The following IMPA2 variants were observed in gnomAD, a reference collection of about 807,000 sequenced individuals.
IMPA2 encodes IMP 2.
IMPA2 carries 32 observed loss-of-function variants against 35.1 expected under a neutral mutation model. The observed-to-expected ratio is 0.91, with a 90% confidence interval of 0.69 to 1.23. The LOEUF (loss-of-function observed/expected upper bound fraction) is 1.23. Ranked by LOEUF, IMPA2 falls within the 50% of genes most tolerant of loss-of-function variation. The probability of loss-of-function intolerance (pLI) is 0.00; values close to 1 mark genes in which losing one functional copy is unlikely to be tolerated. For synonymous variants in IMPA2, 135 were observed against 160.6 expected, an observed-to-expected ratio of 0.84 and a Z score of 1.20; for missense variants, 334 against 387.6, an observed-to-expected ratio of 0.86 and a Z score of 1.16.
At chr18:12,006,971 G>A (rs1433641077) in intron 2 of IMPA2, among the ~76,000 whole-genome samples, 6 of 152,042 alleles carry the variant, frequency 3.9e-5, no homozygotes, top group Non-Finnish European at 5.9e-5. Context: ...CTCTACTAAA[G>A]ATAAAAAAAA....
chr18:12,003,670 GGAAAAA>G (rs573292021), intron 2 of IMPA2, among the ~76,000 whole-genome samples: 27,933 of 80,522 alleles, frequency 0.35, 3,205 homozygotes, highest in East Asian at 0.54. Flanking sequence ...AAAAAGAAAA[GGAAAAA>G]AAAAAAAAAA....
chr18:11,989,162 G>A (rs775843109), intron 1 of IMPA2, among the ~76,000 whole-genome samples: 3 of 152,154 alleles, frequency 2.0e-5, no homozygotes, highest in Admixed American at 6.5e-5. Flanking sequence ...CTTTGCCGTC[G>A]GATGAGCTCA....
At position 12,009,921 on chromosome 18, in the gene IMPA2, G is replaced by T. The variant is rs1448638527; in HGVS notation, c.269G>T (p.Cys90Phe). Residue 90 changes from cysteine (C) to phenylalanine (F), a missense_variant, in exon 3 of 8, where the codon TGT (cysteine) becomes TTT (phenylalanine). Physicochemically the swap from Cys to Phe is radical, Grantham distance 205. Coordinates refer to ENST00000269159, the MANE Select transcript of IMPA2 (RefSeq NM_014214.3). ...GAGGCCGCGGCTTCTGGGGCCAAGT[G>T]TGTGCTCACCCACAGCCCGACGTGG... ...AEEAAASGAK[C>F]VLTHSPTWII... The T allele has an allele frequency of 6.2e-7, 1 of 1,614,210 alleles. No individual in the cohort carries two copies. Among genetic ancestry groups the T allele is most frequent in the Non-Finnish European group, 8.5e-7 (1 of 1,180,042 alleles).
chr18:11,991,219 G>A lies in IMPA2; in HGVS notation c.97-7835G>A, dbSNP rs1906803964. On this transcript the variant is annotated intron_variant, in intron 1 of 7. Transcript: ENST00000269159. The surrounding 1 kb of genome is among the most constrained non-coding windows in gnomAD (Gnocchi z 4.1). The stretch of plus-strand genomic sequence containing the variant: ...ACACAGGGAATGCAGCTGGGATGTG[G>A]GTGACGGGTGGCTGCTGGCATTGGT... 6.6e-6 allele frequency among the ~76,000 whole-genome samples: 1 copy of A among 152,214 alleles called. No individual in the cohort carries two copies. The highest frequency in any genetic ancestry group is 6.5e-5 in the Admixed American group (1 of 15,278).
At chr18:12,015,596 G>C (rs1907556099) in intron 5 of IMPA2, among the ~76,000 whole-genome samples, 2 of 152,204 alleles carry the variant, frequency 1.3e-5, no homozygotes, top group Non-Finnish European at 2.9e-5. Flanking sequence ...CCCAGAGCAG[G>C]GGAAGGGAGA....
chr18:12,008,822 T>G (rs1159274251), intron 2 of IMPA2, among the ~76,000 whole-genome samples: 1 of 152,012 alleles, frequency 6.6e-6, no homozygotes, highest in East Asian at 1.9e-4. Context: ...CTCGGTCAGG[T>G]TCCTAGCAGG....
rs780733020 is a variant in IMPA2, at chr18:12,009,924, T to G, written c.272T>G (p.Val91Gly). Residue 91 changes from valine to glycine, a missense_variant, in exon 3 of 8, where the codon GTG (valine) becomes GGG (glycine). Transcript: ENST00000269159. ...GCCGCGGCTTCTGGGGCCAAGTGTG[T>G]GCTCACCCACAGCCCGACGTGGATC... Reference protein sequence around the residue: ...EEAAASGAKCVLTHSPTWIID... With the variant: ...EEAAASGAKCGLTHSPTWIID... 6.2e-7 allele frequency: 1 copy of G among 1,614,064 alleles called. No homozygotes were observed. Among genetic ancestry groups the G allele is most frequent in the Admixed American group, 1.7e-5 (1 of 59,996 alleles).
In IMPA2 at chr18:11,981,818, C is replaced by T. The variant is rs1215007111; in HGVS notation, c.96+53C>T. The T allele has an allele frequency of 5.2e-6, 6 of 1,147,204 alleles. No individual in the cohort carries two copies. The East Asian group carries it at 9.7e-5, about 19-fold the overall frequency. The allele number at this position is 1,147,204 out of a possible 1,614,324, so 71.1% of individuals were successfully genotyped here. On this transcript the variant is annotated intron_variant, in intron 1 of 7. Coordinates refer to ENST00000269159, the MANE Select transcript of IMPA2 (RefSeq NM_014214.3). The stretch of plus-strand genomic sequence containing the variant: ...CCGGGCGGAGCAGAAGCGCGTGGGC[C>T]TTGGGAGCCGCCTGGAGTGGCGGGG...
At chr18:11,993,002 G>C (rs895139834) in intron 1 of IMPA2, among the ~76,000 whole-genome samples, 10 of 152,316 alleles carry the variant, frequency 6.6e-5, no homozygotes, top group Admixed American at 2.0e-4. Context: ...ATGTACGGTA[G>C]GTTCTTATTT....
At chr18:11,984,829 G>T (rs1409433405) in intron 1 of IMPA2, among the ~76,000 whole-genome samples, 1 of 151,056 alleles carries the variant, frequency 6.6e-6, no homozygotes, top group Admixed American at 6.6e-5. Flanking sequence ...TTAGCCGGGC[G>T]TGGTGGCGGG....
Position 11,991,218 on chromosome 18 carries a change from G to C in IMPA2, c.97-7836G>C, listed in dbSNP as rs1356499156. On this transcript the variant is annotated intron_variant, in intron 1 of 7. Coordinates refer to ENST00000269159, the MANE Select transcript of IMPA2 (RefSeq NM_014214.3). This position sits in a 1 kb window ranked among gnomAD's most constrained non-coding sequence, Gnocchi z 4.1. ...AACACAGGGAATGCAGCTGGGATGT[G>C]GGTGACGGGTGGCTGCTGGCATTGG... Among the ~76,000 whole-genome samples the C allele has an allele frequency of 6.6e-6, 1 of 152,222 alleles. No homozygotes were observed. Among genetic ancestry groups the C allele is most frequent in the Non-Finnish European group, 1.5e-5 (1 of 68,044 alleles).
At chr18:12,029,343 T>A (rs947260571) in intron 7 of IMPA2, among the ~76,000 whole-genome samples, 1 of 151,966 alleles carries the variant, frequency 6.6e-6, no homozygotes, top group East Asian at 1.9e-4. Context: ...CTTGATCTCC[T>A]GACCTCGTGA....
chr18:12,008,770 A>C (rs1907349948), intron 2 of IMPA2, among the ~76,000 whole-genome samples: 1 of 152,182 alleles, frequency 6.6e-6, no homozygotes, highest in Admixed American at 6.5e-5. Context: ...AGAGAAAACC[A>C]GGAGTTCCCT....
At position 12,010,475 on chromosome 18, in the gene IMPA2, G is replaced by T. The variant is rs73946214; in HGVS notation, c.335+488G>T. ...GGGAGGTCAGAAGGGCCCGTGTGGGGAGGTGAAGGGAATGGAGCTTCGGGG... is the reference window on the plus strand; with the variant it reads ...GGGAGGTCAGAAGGGCCCGTGTGGGTAGGTGAAGGGAATGGAGCTTCGGGG... On this transcript the variant is annotated intron_variant, in intron 3 of 7. Transcript: ENST00000269159. This position sits in a 1 kb window ranked among gnomAD's most constrained non-coding sequence, Gnocchi z 4.8. Among the ~76,000 whole-genome samples the T allele has an allele frequency of 0.015, 2,231 of 152,344 alleles. 41 individuals are homozygous for T. The highest frequency in any genetic ancestry group is 0.035 in the African/African-American group (1,465 of 41,574).
chr18:11,987,162 C>T (rs532203600), intron 1 of IMPA2, among the ~76,000 whole-genome samples: 350 of 152,250 alleles, frequency 2.3e-3, no homozygotes, highest in African/African-American at 7.6e-3. Flanking sequence ...AATGGGGTCC[C>T]ACCGCAGGGT....
intron 7 of IMPA2, 131 bp downstream of exon 7, chr18:12,029,124 T>G (rs1598708462): frequency 2.2e-6 from 2 of 923,380 alleles, no homozygotes; most frequent in South Asian, 1.8e-5. Flanking sequence ...TTTTTTTTTT[T>G]TTTTTTTTTG....
chr18:11,988,226 AAACTCCTGACC>A (rs1906721699), intron 1 of IMPA2, among the ~76,000 whole-genome samples: 2 of 151,610 alleles, frequency 1.3e-5, no homozygotes, highest in South Asian at 4.2e-4. Flanking sequence ...GGCCAGTCTC[AAACTCCTGACC>A]TCATGTGATC....
At chr18:12,005,016 T>C (rs1907212542) in intron 2 of IMPA2, among the ~76,000 whole-genome samples, 1 of 152,208 alleles carries the variant, frequency 6.6e-6, no homozygotes, top group African/African-American at 2.4e-5. Context: ...TGAATAAAAA[T>C]TGTGCATCTC....
At chr18:11,984,689 CG>C (rs1380507917) in intron 1 of IMPA2, among the ~76,000 whole-genome samples, 1 of 151,884 alleles carries the variant, frequency 6.6e-6, no homozygotes, top group Non-Finnish European at 1.5e-5. Context: ...AAACTGTGGC[CG>C]GGCGCGGTGG....
Sources: allele counts gnomAD v4.1 joint callset (sites outside exome capture counted in the v4.1 genomes callset), GRCh38; gene constraint gnomAD v4.1.1; non-coding constraint Gnocchi (gnomAD v3.1); transcripts MANE v1.5; gene names NCBI Gene and HGNC (gene_info 2026-07-23, HGNC 2026-07-21).